The following CPLANE1 variants were observed in gnomAD, a reference collection of about 807,000 sequenced individuals.
CPLANE1 encodes the protein ciliogenesis and planar polarity effector complex subunit 1.
A neutral mutation model predicts 362.5 loss-of-function variants in CPLANE1; 263 were observed. That is an observed-to-expected ratio of 0.73 (90% CI 0.66 to 0.80). CPLANE1 has a LOEUF of 0.80. Ranked by LOEUF, CPLANE1 falls within the 30% of genes least tolerant of loss-of-function variation. The pLI is 0.00. For synonymous variants in CPLANE1, 1,212 were observed against 1,302.6 expected, an observed-to-expected ratio of 0.93 and a Z score of 1.50; for missense variants, 3,461 against 3,793.4, an observed-to-expected ratio of 0.91 and a Z score of 2.30.
At chr5:37,153,184 C>T (rs1774048723) in intron 42 of CPLANE1, among the ~76,000 whole-genome samples, 1 of 152,074 alleles carries the variant, frequency 6.6e-6, no homozygotes, top group African/African-American at 2.4e-5. Flanking sequence ...AGCTGAATAG[C>T]CCTATATCTA....
intron 50 of CPLANE1, among the ~76,000 whole-genome samples, chr5:37,118,652 C>T (rs1279623700): frequency 6.6e-6 from 1 of 151,912 alleles, no homozygotes; most frequent in Non-Finnish European, 1.5e-5. Context: ...CATAATAGCA[C>T]CTATCTCACA....
At chr5:37,135,403 T>G (rs1245510242) in intron 46 of CPLANE1, among the ~76,000 whole-genome samples, 1 of 152,166 alleles carries the variant, frequency 6.6e-6, no homozygotes, top group Non-Finnish European at 1.5e-5. Flanking sequence ...GAGGTTTAAT[T>G]AAGTCACAGT....
In CPLANE1 at chr5:37,244,576, A is replaced by G. The variant is rs925272887; in HGVS notation, c.369T>C (p.Ser123=). 3 of 1,551,438 alleles carry G rather than the reference A, an allele frequency of 1.9e-6. No homozygotes were observed. Among genetic ancestry groups the G allele is most frequent in the Non-Finnish European group, 2.6e-6 (3 of 1,146,844 alleles). ...ASSLRLYLYV[S]GNGKRIVLIT... ...TGAGCACAATTCTTTTCCCATTTCC[A>G]GATACATACAAGTACAGTCTCAAAG... The change falls in exon 5 of 53, where the codon TCT becomes TCC. Residue 123 remains serine, a synonymous_variant. Coordinates refer to ENST00000651892, the MANE Select transcript of CPLANE1 (RefSeq NM_001384732.1).
At position 37,162,558 on chromosome 5, in the gene CPLANE1, G is replaced by C. The variant is rs1170297392; in HGVS notation, c.7597C>G (p.Gln2533Glu). The change falls in exon 38 of 53, where the codon CAA becomes GAA. Residue 2533 changes from glutamine to glutamate, a missense_variant. Physicochemically the swap from Gln to Glu is conservative, Grantham distance 29. Around this residue, in one of 2 missense-constraint regions of CPLANE1, gnomAD observed 3,380 missense variants for 3,666.1 expected, o/e 0.92. Coordinates refer to ENST00000651892, the MANE Select transcript of CPLANE1 (RefSeq NM_001384732.1). ...AATCCAGCTGAAGTATTATCATCTT[G>C]TAGCATTTCTTAAATATAATAAAAC... ...DDFDVPFEMLQDDNTSAGLHF... is the reference protein window; with the variant it reads ...DDFDVPFEMLEDDNTSAGLHF... 1 of 1,604,962 alleles carries C rather than the reference G, an allele frequency of 6.2e-7. No individual in the cohort carries two copies. Among genetic ancestry groups the C allele is most frequent in the Non-Finnish European group, 8.5e-7 (1 of 1,172,958 alleles).
In CPLANE1 at chr5:37,244,437, C is replaced by A. The variant is rs1015190087; in HGVS notation, c.508G>T (p.Val170Phe). ...RWSQVIPEEA[V>F]LLPSTEDKEA... The stretch of plus-strand genomic sequence containing the variant: ...TTATCTTCGGTGGAAGGCAAGAGAA[C>A]TGCTTCTTCAGGTATGACCTGGGAC... Residue 170 changes from valine to phenylalanine, a missense_variant, in exon 5 of 53, where the codon GTT becomes TTT. Val to Phe is a conservative substitution (Grantham distance 50, BLOSUM62 -1). Transcript: ENST00000651892. 1 of 1,551,192 alleles carries A rather than the reference C, an allele frequency of 6.4e-7. No homozygotes were observed. Among genetic ancestry groups the A allele is most frequent in the Non-Finnish European group, 8.7e-7 (1 of 1,146,912 alleles).
chr5:37,236,189 T>C (rs1209452156), intron 8 of CPLANE1, among the ~76,000 whole-genome samples: 1 of 152,130 alleles, frequency 6.6e-6, no homozygotes, highest in Non-Finnish European at 1.5e-5. Context: ...ACTACAAGGC[T>C]ATAGCAGCCA....
At chr5:37,145,509 C>T (rs1364943175) in intron 43 of CPLANE1, among the ~76,000 whole-genome samples, 1 of 152,082 alleles carries the variant, frequency 6.6e-6, no homozygotes, top group Non-Finnish European at 1.5e-5. Context: ...TAGCATACTA[C>T]AACCTTTAAT....
chr5:37,236,450 A>G (rs1412076362), intron 8 of CPLANE1, among the ~76,000 whole-genome samples: 7 of 152,170 alleles, frequency 4.6e-5, no homozygotes, highest in Non-Finnish European at 1.0e-4. Context: ...AGACCTAAAC[A>G]TAAGGCCTGA....
At chr5:37,195,801 C>G in intron 21 of CPLANE1, 57 bp downstream of exon 21, 1 of 1,542,478 alleles carries the variant, frequency 6.5e-7, no homozygotes, top group South Asian at 1.3e-5. Context: ...TTTCCCAAAT[C>G]AAATGAAAAA....
chr5:37,207,619 A>G (rs1197661055), intron 16 of CPLANE1, among the ~76,000 whole-genome samples: 1 of 152,240 alleles, frequency 6.6e-6, no homozygotes, highest in African/African-American at 2.4e-5. Flanking sequence ...TGAAACATTC[A>G]CAGAACATAG....
intron 6 of CPLANE1, among the ~76,000 whole-genome samples, chr5:37,242,079 G>A (rs943682064): frequency 2.6e-5 from 4 of 152,114 alleles, no homozygotes; most frequent in African/African-American, 9.7e-5. Context: ...TTTTCGGCTG[G>A]GTGAGGTGGC....
intron 46 of CPLANE1, among the ~76,000 whole-genome samples, chr5:37,125,784 T>A (rs1184026380): frequency 1.3e-5 from 2 of 152,200 alleles, no homozygotes; most frequent in East Asian, 3.8e-4. Flanking sequence ...TTAAACTTTT[T>A]AATTTTGTGG....
At position 37,107,423 on chromosome 5, in the gene CPLANE1, A is replaced by G; in HGVS notation, c.*179T>C. 1 of 1,281,284 alleles carries G rather than the reference A, an allele frequency of 7.8e-7. No homozygotes were observed. The highest frequency in any genetic ancestry group is 9.9e-7 in the Non-Finnish European group (1 of 1,008,696). The allele number at this position is 1,281,284 out of a possible 1,614,324, so 79.4% of individuals were successfully genotyped here. A position where few individuals can be genotyped will look rare whatever the true frequency, so the allele number is the denominator to read the frequency against. On this transcript the variant is annotated 3_prime_UTR_variant, in exon 53 of 53. Coordinates refer to ENST00000651892, the MANE Select transcript of CPLANE1 (RefSeq NM_001384732.1). Reference sequence around the variant, plus strand: ...AGTCAACCCTTTCCCCATAAAGGCAAAGTTACTGAGAAATGTTTATTTTTC... The same window carrying G: ...AGTCAACCCTTTCCCCATAAAGGCAGAGTTACTGAGAAATGTTTATTTTTC...
intron 51 of CPLANE1, among the ~76,000 whole-genome samples, chr5:37,108,869 G>C (rs966766018): frequency 6.6e-6 from 1 of 152,196 alleles, no homozygotes; most frequent in Non-Finnish European, 1.5e-5. Flanking sequence ...CTTCACCCAG[G>C]CTTAATGCTT....
chr5:37,137,701 AG>A (rs2150343959), intron 46 of CPLANE1, among the ~76,000 whole-genome samples: 2 of 152,380 alleles, frequency 1.3e-5, no homozygotes, highest in African/African-American at 4.8e-5. Flanking sequence ...GGGAAGGAGA[AG>A]AATGAGTGCC....
At chr5:37,184,763 A>G (rs757972626) in intron 25 of CPLANE1, 25 bp downstream of exon 25, 90 of 1,578,452 alleles carry the variant, frequency 5.7e-5, no homozygotes, top group Non-Finnish European at 7.0e-5. Flanking sequence ...AGTGAATGCC[A>G]GTGATTAAAA....
At chr5:37,206,774 C>T (rs1790875884) in intron 16 of CPLANE1, among the ~76,000 whole-genome samples, 1 of 151,918 alleles carries the variant, frequency 6.6e-6, no homozygotes, top group Admixed American at 6.6e-5. Flanking sequence ...ACATTTATAT[C>T]TACTATACTA....
intron 7 of CPLANE1, among the ~76,000 whole-genome samples, 191 bp downstream of exon 7, chr5:37,239,522 G>A (rs936259133): frequency 7.1e-6 from 1 of 141,356 alleles, no homozygotes; most frequent in African/African-American, 2.7e-5. Flanking sequence ...GGTCGAGGCT[G>A]CAGCAAGCCA....
chr5:37,133,490 G>A (rs1468087428), intron 46 of CPLANE1, among the ~76,000 whole-genome samples: 1 of 148,700 alleles, frequency 6.7e-6, no homozygotes, highest in Non-Finnish European at 1.5e-5. Flanking sequence ...TCACCTCTTT[G>A]GTTAGAGGTG....
Sources: allele counts gnomAD v4.1 joint callset (sites outside exome capture counted in the v4.1 genomes callset), GRCh38; gene constraint gnomAD v4.1.1; regional missense constraint gnomAD v4.1.1; transcripts MANE v1.5; gene names NCBI Gene and HGNC (gene_info 2026-07-23, HGNC 2026-07-21).